The following MAP3K15 variants were observed in gnomAD, a reference collection of about 807,000 sequenced individuals.
MAP3K15 encodes the protein MAPK/ERK kinase kinase 15.
MAP3K15 carries 124 observed loss-of-function variants against 99.5 expected under a neutral mutation model. That is an observed-to-expected ratio of 1.25 (90% CI 1.08 to 1.45). The LOEUF (loss-of-function observed/expected upper bound fraction) is 1.45, where lower values mean the gene tolerates loss of function less well. Among genes scored for constraint, MAP3K15 ranks in the 40% most tolerant of loss-of-function variants. The pLI is 0.00. For missense variants in MAP3K15, 1,242 were observed against 1,079.7 expected (o/e 1.15, Z -2.11); for synonymous variants, 494 against 439.6 (o/e 1.12, Z -1.55).
At chrX:19,514,756 GA>G (rs2064547551) in intron 1 of MAP3K15, 144 bp downstream of exon 1, 1 of 33,191 alleles carries the variant, frequency 3.0e-5, no homozygotes, top group Non-Finnish European at 5.0e-5. Context: ...GGAGGGGGAC[GA>G]GGGGGAGGGG....
chrX:19,381,953 A>G (rs918022872), intron 18 of MAP3K15, among the ~76,000 whole-genome samples: 2 of 112,235 alleles, frequency 1.8e-5, no homozygotes, highest in African/African-American at 6.5e-5. Flanking sequence ...GGTTTAATCA[A>G]TGAAAGCAGG....
intron 1 of MAP3K15, among the ~76,000 whole-genome samples, chrX:19,494,206 G>A (rs750212696): frequency 9.0e-6 from 1 of 111,355 alleles, no homozygotes; most frequent in African/African-American, 3.3e-5. Flanking sequence ...TGTGCCTGAA[G>A]TCCCAGCTAC....
At chrX:19,377,087 GGAAA>G (rs1259099637) in intron 19 of MAP3K15, among the ~76,000 whole-genome samples, 4 of 111,565 alleles carry the variant, frequency 3.6e-5, no homozygotes, top group Non-Finnish European at 5.6e-5. Flanking sequence ...TCCCTTCAGG[GGAAA>G]GAGAGTGTCC....
At chrX:19,478,437 TG>T (rs1318644782) in intron 3 of MAP3K15, among the ~76,000 whole-genome samples, 2 of 107,672 alleles carry the variant, frequency 1.9e-5, no homozygotes, top group African/African-American at 6.8e-5. Context: ...ATATCATCTT[TG>T]ATCATTTTGA....
intron 25 of MAP3K15, among the ~76,000 whole-genome samples, chrX:19,364,777 G>C (rs1473407453): frequency 1.8e-5 from 2 of 108,397 alleles, no homozygotes; most frequent in African/African-American, 6.8e-5. Context: ...CCTGTAATCC[G>C]AGTTACTTGG....
intron 25 of MAP3K15, among the ~76,000 whole-genome samples, chrX:19,363,739 G>A (rs1363981559): frequency 1.9e-5 from 2 of 107,933 alleles, no homozygotes; most frequent in Non-Finnish European, 3.8e-5. Flanking sequence ...TGCAACCTCC[G>A]CCTCCTGGGT....
intron 3 of MAP3K15, among the ~76,000 whole-genome samples, chrX:19,476,759 T>C (rs2064246014): frequency 8.9e-6 from 1 of 112,257 alleles, no homozygotes; most frequent in Non-Finnish European, 1.9e-5. Context: ...GCTGGAAACG[T>C]GCCATGGAGT....
chrX:19,368,970 A>C, intron 25 of MAP3K15, 84 bp downstream of exon 25: 1 of 1,012,309 alleles, frequency 9.9e-7, no homozygotes, highest in Non-Finnish European at 1.3e-6. Context: ...GATGGTCAAC[A>C]ATAAAGCCAA....
chrX:19,376,027 A>T (rs958076609), intron 19 of MAP3K15, among the ~76,000 whole-genome samples: 2 of 112,056 alleles, frequency 1.8e-5, no homozygotes, highest in Non-Finnish European at 3.8e-5. Flanking sequence ...AGGCAAGAAC[A>T]TGAAAAGGAA....
In MAP3K15 at chrX:19,360,557, C is replaced by CAGTTCTATGTTTA. The variant is rs767199793; in HGVS notation, c.*179_*191dup. ...AGGCTCACTGTTTTCACAATACACA[C>CAGTTCTATGTTTA]AGTTCTATGTTTATAAATAACAGGT... On this transcript the variant is annotated 3_prime_UTR_variant, in exon 29 of 29. Coordinates refer to ENST00000338883, the MANE Select transcript of MAP3K15 (RefSeq NM_001001671.4). 2.4e-5 allele frequency: 9 copies of CAGTTCTATGTTTA among 371,431 alleles called. No individual in the cohort carries two copies. The highest frequency in any genetic ancestry group is 4.2e-5 in the Non-Finnish European group (9 of 215,441). 30.6% of individuals were successfully genotyped at this position (371,431 alleles called of 1,213,427 possible). A position where few individuals can be genotyped will look rare whatever the true frequency, so the allele number is the denominator to read the frequency against.
At chrX:19,469,343 C>T (rs1341756401) in intron 3 of MAP3K15, among the ~76,000 whole-genome samples, 3 of 111,758 alleles carry the variant, frequency 2.7e-5, no homozygotes, top group African/African-American at 9.7e-5. Flanking sequence ...AACTGGCTAG[C>T]CATATGGAGA....
At chrX:19,413,489 A>G in intron 10 of MAP3K15, 25 bp from the exon 11 acceptor site, 1 of 1,105,340 alleles carries the variant, frequency 9.0e-7, no homozygotes, top group Non-Finnish European at 1.2e-6. Context: ...GATGCCTGTT[A>G]ACGTACATGG....
intron 24 of MAP3K15, among the ~76,000 whole-genome samples, chrX:19,370,569 G>C (rs762823114): frequency 2.7e-5 from 3 of 110,122 alleles, no homozygotes; most frequent in Non-Finnish European, 5.7e-5. Context: ...CTAATTTTTT[G>C]TATTTTTAGT....
At chrX:19,510,887 AT>A (rs2064513137) in intron 1 of MAP3K15, among the ~76,000 whole-genome samples, 1 of 112,304 alleles carries the variant, frequency 8.9e-6, no homozygotes, top group African/African-American at 3.2e-5. Context: ...AAGCATTCCT[AT>A]GCACCAATAA....
At chrX:19,370,163 G>A (rs980667006) in intron 24 of MAP3K15, among the ~76,000 whole-genome samples, 4 of 111,821 alleles carry the variant, frequency 3.6e-5, no homozygotes, top group African/African-American at 1.3e-4. Flanking sequence ...TCCCTTAGCA[G>A]GAAGAAGTCA....
At chrX:19,426,818 C>CAA (rs746106862) in intron 7 of MAP3K15, among the ~76,000 whole-genome samples, 309 of 21,013 alleles carry the variant, frequency 0.015, 18 homozygotes, top group East Asian at 0.039. Context: ...AATCTGTCTC[C>CAA]AAAAAAAAAA....
intron 13 of MAP3K15, among the ~76,000 whole-genome samples, chrX:19,405,410 G>A (rs12116321): frequency 0.019 from 2,138 of 111,375 alleles, 64 homozygotes; most frequent in African/African-American, 0.066. Flanking sequence ...CAAGTCAAAG[G>A]ACTACCCAAA....
intron 6 of MAP3K15, among the ~76,000 whole-genome samples, chrX:19,447,883 CA>C (rs753152404): frequency 0.017 from 448 of 25,938 alleles, 3 homozygotes; most frequent in Middle Eastern, 0.1. Context: ...GACTCCGTCT[CA>C]AAAAAAAAAA....
rs144766542 is a variant in MAP3K15, at chrX:19,505,398, A to G, written c.361+9503T>C. Among the ~76,000 whole-genome samples, 717 of 112,234 alleles carry G rather than the reference A, an allele frequency of 6.4e-3. 3 individuals carry two copies. Among genetic ancestry groups the G allele is most frequent in the Non-Finnish European group, 0.011 (600 of 53,235 alleles). ...CTTATTACTATAACAAACGATGCCA[A>G]AATCTCAGTAACCAGACCAAATAAA... On this transcript the variant is annotated intron_variant, in intron 1 of 28. Coordinates refer to ENST00000338883, the MANE Select transcript of MAP3K15 (RefSeq NM_001001671.4).
Sources: allele counts gnomAD v4.1 joint callset (sites outside exome capture counted in the v4.1 genomes callset), GRCh38; gene constraint gnomAD v4.1.1; transcripts MANE v1.5; gene names NCBI Gene and HGNC (gene_info 2026-07-23, HGNC 2026-07-21).